PTPRE: variants seen among roughly 807,000 people sequenced by gnomAD.
PTPRE encodes receptor-type tyrosine-protein phosphatase epsilon.
PTPRE carries 51 observed loss-of-function variants against 102.0 expected under a neutral mutation model. That is an observed-to-expected ratio of 0.50 (90% CI 0.40 to 0.63). The LOEUF is 0.63. PTPRE is among the 30% of genes least tolerant of loss of function. PTPRE has a pLI of 0.00. For missense variants in PTPRE, 752 were observed against 915.1 expected (o/e 0.82, Z 2.30); for synonymous variants, 345 against 348.2 (o/e 0.99, Z 0.10).
At chr10:127,920,920 G>A (rs77898407) in intron 1 of PTPRE, among the ~76,000 whole-genome samples, 9,692 of 152,202 alleles carry the variant, frequency 0.064, 359 homozygotes, top group Middle Eastern at 0.11. Flanking sequence ...GTAAGGAGAG[G>A]GCGTTTCCCT....
chr10:127,911,083 GA>G (rs140295250), intron 1 of PTPRE, among the ~76,000 whole-genome samples: 4,115 of 150,272 alleles, frequency 0.027, 119 homozygotes, highest in Non-Finnish European at 0.034. Context: ...CCCTGTCATG[GA>G]AAAAAAAAGA....
At chr10:128,042,765 C>G (rs762070994) in intron 3 of PTPRE, among the ~76,000 whole-genome samples, 1 of 152,148 alleles carries the variant, frequency 6.6e-6, no homozygotes, top group Non-Finnish European at 1.5e-5. Context: ...ATTCAGTACT[C>G]ATGCAGACAA....
chr10:128,007,125 C>T (rs562760556), intron 2 of PTPRE, among the ~76,000 whole-genome samples: 24 of 151,920 alleles, frequency 1.6e-4, no homozygotes, highest in Non-Finnish European at 3.1e-4. Context: ...AGTAACCAAG[C>T]AAGGGGTTCT....
chr10:128,069,058 G>A (rs1590217649), intron 12 of PTPRE: 1 of 152,464 alleles, frequency 6.6e-6, no homozygotes, highest in East Asian at 1.9e-4. Flanking sequence ...AGTGATGCAG[G>A]CGCTCTGCAC....
chr10:128,057,982 C>T (rs1849146573), intron 7 of PTPRE, among the ~76,000 whole-genome samples: 1 of 152,186 alleles, frequency 6.6e-6, no homozygotes, highest in African/African-American at 2.4e-5. Flanking sequence ...AATTTATTAC[C>T]TTAATTGAGT....
intron 1 of PTPRE, among the ~76,000 whole-genome samples, chr10:127,971,074 G>T (rs1425143006): frequency 6.6e-6 from 1 of 152,178 alleles, no homozygotes; most frequent in Non-Finnish European, 1.5e-5. Context: ...AGGTCTCTGT[G>T]TCCTTTGTCC....
rs147061451 is a variant in PTPRE, at chr10:128,073,600, G to A, written c.1599+129G>A. 6.6e-5 allele frequency: 77 copies of A among 1,162,238 alleles called. No individual in the cohort carries two copies. In the East Asian group the frequency reaches 2.1e-3, roughly 31 times the overall value. 72.0% of individuals were successfully genotyped at this position (1,162,238 alleles called of 1,614,324 possible). On this transcript the variant is annotated intron_variant, in intron 17 of 20. Coordinates refer to ENST00000254667, the MANE Select transcript of PTPRE (RefSeq NM_006504.6). ...GGGTGAGACCAAGCCAGGACCACTA[G>A]GGAAGGAGAGAGATTGGAAATGAAA...
At chr10:127,953,792 A>G (rs1849209547) in intron 1 of PTPRE, among the ~76,000 whole-genome samples, 1 of 152,170 alleles carries the variant, frequency 6.6e-6, no homozygotes, top group South Asian at 2.1e-4. Context: ...GATGTCCCTG[A>G]ATGACAGTGG....
Position 128,066,109 on chromosome 10 carries a change from G to T in PTPRE, c.758G>T (p.Cys253Phe). 2 of 1,614,234 alleles carry T rather than the reference G, an allele frequency of 1.2e-6. No homozygotes were observed. Among genetic ancestry groups the T allele is most frequent in the South Asian group, 1.1e-5 (1 of 91,092 alleles). Residue 253 changes from cysteine to phenylalanine, a missense_variant, in exon 11 of 21, where the codon TGC (cysteine) becomes TTC (phenylalanine). Cys to Phe is a radical substitution (Grantham distance 205, BLOSUM62 -2). Coordinates refer to ENST00000254667, the MANE Select transcript of PTPRE (RefSeq NM_006504.6). Reference protein sequence around the residue: ...KCHQYWPDQGCWTYGNIRVCV... With the variant: ...KCHQYWPDQGFWTYGNIRVCV... Reference sequence around the variant, plus strand: ...CATCAGTACTGGCCCGACCAAGGCTGCTGGACCTATGGAAACATCCGGGTG... The same window carrying T: ...CATCAGTACTGGCCCGACCAAGGCTTCTGGACCTATGGAAACATCCGGGTG...
intron 7 of PTPRE, 152 bp downstream of exon 7, chr10:128,056,365 G>A (rs1261328836): frequency 1.9e-5 from 12 of 645,344 alleles, no homozygotes; most frequent in Middle Eastern, 3.0e-4. Context: ...ACTCCAGAAC[G>A]TTCCTCTTTA....
intron 2 of PTPRE, among the ~76,000 whole-genome samples, chr10:127,997,297 G>T (rs1853366823): frequency 6.6e-6 from 1 of 152,164 alleles, no homozygotes; most frequent in Non-Finnish European, 1.5e-5. Context: ...CTCTGAGTTT[G>T]CCCACAAGGA....
intron 2 of PTPRE, among the ~76,000 whole-genome samples, chr10:127,983,485 A>T (rs1444661216): frequency 6.6e-6 from 1 of 152,112 alleles, no homozygotes; most frequent in East Asian, 1.9e-4. Flanking sequence ...ACTATATGAA[A>T]TCTACAATCC....
chr10:127,928,881 A>G (rs1054016394), intron 1 of PTPRE, among the ~76,000 whole-genome samples: 1 of 152,224 alleles, frequency 6.6e-6, no homozygotes, highest in Non-Finnish European at 1.5e-5. Context: ...CACGAAGGCC[A>G]TGGTCAGTTG....
intron 2 of PTPRE, among the ~76,000 whole-genome samples, chr10:128,015,336 G>A (rs184229612): frequency 2.2e-4 from 34 of 152,156 alleles, no homozygotes; most frequent in African/African-American, 7.9e-4. Flanking sequence ...TTAAGCTCAG[G>A]AGTTGAAGAC....
chr10:128,033,857 A>G (rs1590080148), intron 2 of PTPRE, among the ~76,000 whole-genome samples: 1 of 152,174 alleles, frequency 6.6e-6, no homozygotes, highest in East Asian at 1.9e-4. Context: ...GTTGGCCAGG[A>G]TGGTCTCGAA....
intron 2 of PTPRE, among the ~76,000 whole-genome samples, chr10:128,002,090 G>A (rs534191527): frequency 6.6e-6 from 1 of 152,328 alleles, no homozygotes; most frequent in South Asian, 2.1e-4. Context: ...TGCCGAGGCA[G>A]GACTGTGAGC....
chr10:127,964,206 G>C (rs1481601325), intron 1 of PTPRE, among the ~76,000 whole-genome samples: 1 of 151,844 alleles, frequency 6.6e-6, no homozygotes, highest in African/African-American at 2.4e-5. Context: ...GTCTTGCTCT[G>C]TTGCCCAGGC....
chr10:127,968,631 A>G (rs1850451432), intron 1 of PTPRE, among the ~76,000 whole-genome samples: 1 of 152,202 alleles, frequency 6.6e-6, no homozygotes, highest in South Asian at 2.1e-4. Flanking sequence ...ATGGTTTCTA[A>G]TTCAGGTGGA....
At chr10:128,050,217 G>C (rs1367362870) in intron 6 of PTPRE, among the ~76,000 whole-genome samples, 2 of 152,114 alleles carry the variant, frequency 1.3e-5, no homozygotes, top group Non-Finnish European at 1.5e-5. Flanking sequence ...TGGGAGGGCA[G>C]AGGGATGGAT....
Sources: gnomAD v4.1 joint callset for allele counts (sites outside exome capture counted in the v4.1 genomes callset) on GRCh38, gnomAD v4.1.1 for gene constraint, MANE v1.5 for transcripts, NCBI Gene and HGNC (gene_info 2026-07-23, HGNC 2026-07-21) for gene names.